CLDN16: variants seen among roughly 807,000 people sequenced by gnomAD.
CLDN16 encodes claudin-16.
Under a neutral mutation model 24.6 loss-of-function variants are expected in CLDN16, and 13 were observed. That is an observed-to-expected ratio of 0.53 (90% confidence interval 0.34 to 0.84). CLDN16 has a LOEUF of 0.84. Among genes scored for constraint, CLDN16 ranks in the 40% least tolerant of loss-of-function variants. The pLI, the probability that CLDN16 is intolerant of heterozygous loss-of-function variation, is 0.01. For missense variants in CLDN16, 298 were observed against 292.7 expected (o/e 1.02, Z -0.13); for synonymous variants, 116 against 106.7 (o/e 1.09, Z -0.54).
the CLDN16 span, among the ~76,000 whole-genome samples, chr3:190,309,155 T>A: frequency 0.046 from 7,014 of 152,210 alleles, 543 homozygotes; most frequent in African/African-American, 0.16. Context: ...TCTCCTACTC[T>A]CAAAGCAGGA....
At chr3:190,340,660 C>T (rs111717716) in intron 1 of CLDN16, among the ~76,000 whole-genome samples, 5,961 of 152,192 alleles carry the variant, frequency 0.039, 389 homozygotes, top group African/African-American at 0.13. Context: ...CTTGTTCTAA[C>T]ATTTCAAAAC....
At chr3:190,403,641 C>A (rs1347188654) in intron 2 of CLDN16, among the ~76,000 whole-genome samples, 1 of 152,184 alleles carries the variant, frequency 6.6e-6, no homozygotes, top group Non-Finnish European at 1.5e-5. Context: ...ACCTCTATTT[C>A]AGTCCAGAGG....
chr3:190,296,282 A>C, the CLDN16 span, among the ~76,000 whole-genome samples: 1 of 152,180 alleles, frequency 6.6e-6, no homozygotes, highest in Admixed American at 6.5e-5. Context: ...ATATTCTGTC[A>C]TTCTTGTCAT....
chr3:190,321,655 A>G (rs1490034915), upstream of CLDN16, among the ~76,000 whole-genome samples: 1 of 152,184 alleles, frequency 6.6e-6, no homozygotes, highest in Non-Finnish European at 1.5e-5. Flanking sequence ...CAAATCTCGG[A>G]ATGCCTAGGA....
At chr3:190,322,104 A>G (rs751558313), upstream of CLDN16, 1 of 1,614,214 alleles carries the variant, frequency 6.2e-7, no homozygotes, top group Non-Finnish European at 8.5e-7. Context: ...TCGCCGGCAT[A>G]GGAGTAAATC....
intron 1 of CLDN16, among the ~76,000 whole-genome samples, chr3:190,337,353 G>A (rs1428031598): frequency 6.6e-6 from 1 of 152,176 alleles, no homozygotes; most frequent in Non-Finnish European, 1.5e-5. Context: ...ATGGAAATGG[G>A]CAGAAACTAA....
At chr3:190,327,626 G>C (rs988125402) in intron 1 of CLDN16, among the ~76,000 whole-genome samples, 11 of 152,220 alleles carry the variant, frequency 7.2e-5, no homozygotes, top group Admixed American at 6.5e-5. Context: ...TCTTGATCCA[G>C]AAAGCTTATG....
chr3:190,338,216 G>T (rs1327355940), intron 1 of CLDN16, among the ~76,000 whole-genome samples: 1 of 152,140 alleles, frequency 6.6e-6, no homozygotes, highest in Non-Finnish European at 1.5e-5. Flanking sequence ...TCCCAGAGAA[G>T]ATATGCTTTC....
chr3:190,409,418 T>G (rs1290435933), intron 4 of CLDN16, among the ~76,000 whole-genome samples: 1 of 151,902 alleles, frequency 6.6e-6, no homozygotes, highest in Non-Finnish European at 1.5e-5. Flanking sequence ...CATATAATTG[T>G]AATACATTAA....
chr3:190,292,235 G>A, the CLDN16 span, among the ~76,000 whole-genome samples: 2 of 152,208 alleles, frequency 1.3e-5, no homozygotes, highest in African/African-American at 4.8e-5. Context: ...TTCAGGTGGA[G>A]GTTCCCAAAC....
At chr3:190,396,868 G>GAA (rs10642372) in intron 1 of CLDN16, among the ~76,000 whole-genome samples, 1 of 151,768 alleles carries the variant, frequency 6.6e-6, no homozygotes, top group Non-Finnish European at 1.5e-5. Context: ...TTGAGAGCAA[G>GAA]GAGTTATTCT....
intron 1 of CLDN16, among the ~76,000 whole-genome samples, chr3:190,364,823 G>T (rs151000861): frequency 2.0e-5 from 3 of 151,312 alleles, no homozygotes; most frequent in Admixed American, 1.3e-4. Context: ...GGAGCTGAGC[G>T]TTGTCTTTTT....
At chr3:190,311,137 C>T in the CLDN16 span, among the ~76,000 whole-genome samples, 3 of 152,108 alleles carry the variant, frequency 2.0e-5, no homozygotes, top group South Asian at 2.1e-4. Context: ...ATAGACCATG[C>T]GAATGGTCTT....
At chr3:190,347,675 ACTAGGCATGT>A (rs1717580057) in intron 1 of CLDN16, among the ~76,000 whole-genome samples, 1 of 152,228 alleles carries the variant, frequency 6.6e-6, no homozygotes, top group African/African-American at 2.4e-5. Context: ...GACAATTTCA[ACTAGGCATGT>A]CTGCTGTGTA....
chr3:190,291,757 G>A, the CLDN16 span, among the ~76,000 whole-genome samples: 1 of 152,086 alleles, frequency 6.6e-6, no homozygotes, highest in Non-Finnish European at 1.5e-5. Flanking sequence ...AAGATACAAT[G>A]GGGATACAGG....
At chr3:190,378,912 CCTTT>C (rs2108651789) in intron 3 of CLDN16, among the ~76,000 whole-genome samples, 1 of 152,002 alleles carries the variant, frequency 6.6e-6, no homozygotes, top group Non-Finnish European at 1.5e-5. Flanking sequence ...TGATATGATG[CCTTT>C]CTAATTATGT....
intron 1 of CLDN16, among the ~76,000 whole-genome samples, chr3:190,366,637 C>A (rs1460373973): frequency 2.0e-5 from 3 of 151,910 alleles, no homozygotes; most frequent in Non-Finnish European, 4.4e-5. Flanking sequence ...AACACCTTGG[C>A]CAATCCCCCA....
intron 1 of CLDN16, among the ~76,000 whole-genome samples, chr3:190,395,284 T>TAAAA (rs1156455547): frequency 6.6e-6 from 1 of 152,038 alleles, no homozygotes; most frequent in Non-Finnish European, 1.5e-5. Flanking sequence ...TAACCAGAAC[T>TAAAA]AAAACAAATA....
chr3:190,396,040 C>A (rs1467117480), intron 1 of CLDN16, among the ~76,000 whole-genome samples: 1 of 152,048 alleles, frequency 6.6e-6, no homozygotes, highest in East Asian at 1.9e-4. Flanking sequence ...AAAGACAAGG[C>A]AGGCAAAATT....
Sources: gnomAD v4.1 joint callset for allele counts (sites outside exome capture counted in the v4.1 genomes callset) on GRCh38, gnomAD v4.1.1 for gene constraint, MANE v1.5 for transcripts, NCBI Gene and HGNC (gene_info 2026-07-23, HGNC 2026-07-21) for gene names.